RFX7: variants seen among roughly 807,000 people sequenced by gnomAD.
RFX7 encodes DNA-binding protein RFX7.
A neutral mutation model predicts 111.8 loss-of-function variants in RFX7; 26 were observed. The observed-to-expected ratio is 0.23, with a 90% CI of 0.17 to 0.32. The LOEUF (loss-of-function observed/expected upper bound fraction) is 0.32, where lower values mean the gene tolerates loss of function less well. Ranked by LOEUF, RFX7 falls within the 10% of genes least tolerant of loss-of-function variation. The pLI, the probability that RFX7 is intolerant of heterozygous loss-of-function variation, is 1.00. For synonymous variants in RFX7, 624 were observed against 624.4 expected (o/e 1.00, Z 0.01); for missense variants, 1,573 against 1,772.9 (o/e 0.89, Z 2.02).
chr15:56,234,792 T>C (rs965014118), intron 2 of RFX7, among the ~76,000 whole-genome samples: 2 of 152,238 alleles, frequency 1.3e-5, no homozygotes, highest in Admixed American at 6.5e-5. Context: ...GTGATTACTT[T>C]GTTTCAGATA....
In RFX7 at chr15:56,095,889, C is replaced by T. The variant is rs148249850; in HGVS notation, c.1839G>A (p.Thr613=). The change falls in exon 10 of 10, where the codon ACG becomes ACA. Residue 613 remains threonine, a synonymous_variant. Transcript: ENST00000559447. ...KSRCNEMLPG[T]STGNNQSTIT... ...TAGTGCTTTGATTATTGCCTGTTGA[C>T]GTGCCTGGCAGCATTTCATTACAGC... 169 of 1,605,356 alleles carry T rather than the reference C, an allele frequency of 1.1e-4. No individual in the cohort carries two copies. The African/African-American group carries it at 1.2e-3, about 12-fold the overall frequency.
At chr15:56,131,599 G>A (rs2042218984) in intron 5 of RFX7, among the ~76,000 whole-genome samples, 1 of 151,992 alleles carries the variant, frequency 6.6e-6, no homozygotes, top group African/African-American at 2.4e-5. Flanking sequence ...CACATTGACA[G>A]GTCAAATAAG....
At chr15:56,208,203 A>G (rs2043274843) in intron 2 of RFX7, among the ~76,000 whole-genome samples, 2 of 152,230 alleles carry the variant, frequency 1.3e-5, no homozygotes, top group Admixed American at 1.3e-4. Flanking sequence ...TGTTCCTAAT[A>G]ACGCTACCCT....
intron 5 of RFX7, among the ~76,000 whole-genome samples, chr15:56,114,639 A>C (rs1192045564): frequency 6.6e-6 from 1 of 152,046 alleles, no homozygotes; most frequent in African/African-American, 2.4e-5. Context: ...TAACTACACA[A>C]TGAACAATAT....
At chr15:56,165,774 T>G (rs2042774711) in intron 3 of RFX7, among the ~76,000 whole-genome samples, 2 of 152,150 alleles carry the variant, frequency 1.3e-5, no homozygotes, top group African/African-American at 4.8e-5. Context: ...AAAAATGCTT[T>G]CTTAGAACAC....
intron 5 of RFX7, among the ~76,000 whole-genome samples, chr15:56,109,537 T>G (rs1163107483): frequency 6.8e-6 from 1 of 146,878 alleles, no homozygotes; most frequent in Non-Finnish European, 1.5e-5. Flanking sequence ...CCCCTCTGCC[T>G]GGCTGCCCAG....
Position 56,095,897 on chromosome 15 carries a change from G to A in RFX7, c.1831C>T (p.Pro611Ser). Residue 611 changes from proline to serine, a missense_variant, in exon 10 of 10, where the codon CCA becomes TCA. Physicochemically the swap from Pro to Ser is moderately conservative, Grantham distance 74 (BLOSUM62 -1). Around this residue, in one of 7 missense-constraint regions of RFX7, gnomAD observed 625 missense variants for 632.2 expected, o/e 0.99. Transcript: ENST00000559447. ...TGATTATTGCCTGTTGACGTGCCTG[G>A]CAGCATTTCATTACAGCGACTTTTA... ...KCKSRCNEML[P>S]GTSTGNNQST... 1 of 1,605,208 alleles carries A rather than the reference G, an allele frequency of 6.2e-7. No homozygotes were observed. The highest frequency in any genetic ancestry group is 8.5e-7 in the Non-Finnish European group (1 of 1,179,824).
Position 56,093,001 on chromosome 15 carries a change from G to C in RFX7, c.*344C>G, listed in dbSNP as rs1209804455. ...AAACAGCCTATACCTAAAATTGATG[G>C]TTTATTCTGAGTTCTGTGCAGATCA... On this transcript the variant is annotated 3_prime_UTR_variant, in exon 10 of 10. Coordinates refer to ENST00000559447, the MANE Select transcript of RFX7 (RefSeq NM_022841.7). 5.1e-6 allele frequency: 1 copy of C among 194,902 alleles called. No individual in the cohort carries two copies. The highest frequency in any genetic ancestry group is 1.1e-5 in the Non-Finnish European group (1 of 95,006). The allele number at this position is 194,902 out of a possible 1,614,324, so 12.1% of individuals were successfully genotyped here.
intron 2 of RFX7, 77 bp downstream of exon 2, chr15:56,243,048 C>T: frequency 1.6e-6 from 1 of 643,772 alleles, no homozygotes; most frequent in Non-Finnish European, 2.6e-6. Context: ...CCGCTCCCCC[C>T]GCCCGCCGCC....
chr15:56,220,828 T>C (rs866748422), intron 2 of RFX7, among the ~76,000 whole-genome samples: 3 of 152,230 alleles, frequency 2.0e-5, no homozygotes, highest in African/African-American at 7.2e-5. Context: ...ATGGAAGTTT[T>C]TATTCCATCT....
chr15:56,215,666 C>G (rs2043356625), intron 2 of RFX7, among the ~76,000 whole-genome samples: 1 of 152,144 alleles, frequency 6.6e-6, no homozygotes, highest in Non-Finnish European at 1.5e-5. Flanking sequence ...TTCTTATATT[C>G]TATTTGGATA....
intron 5 of RFX7, among the ~76,000 whole-genome samples, chr15:56,122,499 G>T (rs2119937): frequency 0.31 from 47,623 of 152,052 alleles, 8,434 homozygotes; most frequent in East Asian, 0.41. Context: ...GCATAGCACT[G>T]GGTATTGCCC....
At chr15:56,220,840 G>T (rs575276451) in intron 2 of RFX7, among the ~76,000 whole-genome samples, 14 of 152,126 alleles carry the variant, frequency 9.2e-5, no homozygotes, top group Non-Finnish European at 1.9e-4. Flanking sequence ...ATTCCATCTT[G>T]AGTTGATTTT....
intron 5 of RFX7, among the ~76,000 whole-genome samples, chr15:56,138,844 G>C (rs1398848319): frequency 6.6e-6 from 1 of 152,098 alleles, no homozygotes; most frequent in Non-Finnish European, 1.5e-5. Flanking sequence ...TTGCTTGTCT[G>C]TAAAGTATTT....
At chr15:56,135,483 T>G (rs1217992774) in intron 5 of RFX7, among the ~76,000 whole-genome samples, 1 of 152,040 alleles carries the variant, frequency 6.6e-6, no homozygotes, top group Non-Finnish European at 1.5e-5. Flanking sequence ...TCTTGTAAAT[T>G]TGTTTGAGTT....
At position 56,170,134 on chromosome 15, in the gene RFX7, G is replaced by A. The variant is rs371969762; in HGVS notation, c.195+9136C>T. 1.3e-5 allele frequency among the ~76,000 whole-genome samples: 2 copies of A among 152,154 alleles called. 1 individual carries two copies. Reference sequence around the variant, plus strand: ...CATACATTCAACAAATATTGATCACGTTCATGTGCCTCTGGGTATATTCCA... The same window carrying A: ...CATACATTCAACAAATATTGATCACATTCATGTGCCTCTGGGTATATTCCA... On this transcript the variant is annotated intron_variant, in intron 3 of 9. Coordinates refer to ENST00000559447, the MANE Select transcript of RFX7 (RefSeq NM_022841.7).
chr15:56,221,468 T>C (rs560558135), intron 2 of RFX7, among the ~76,000 whole-genome samples: 9 of 152,252 alleles, frequency 5.9e-5, no homozygotes, highest in Middle Eastern at 3.4e-3. Context: ...CTTTAAAGTA[T>C]ATCTCTTGTA....
chr15:56,186,235 GTTCT>G (rs2043036464), intron 2 of RFX7, among the ~76,000 whole-genome samples: 1 of 152,038 alleles, frequency 6.6e-6, no homozygotes, highest in Non-Finnish European at 1.5e-5. Context: ...CTCTCTTCAG[GTTCT>G]ATGCTTTAGT....
intron 2 of RFX7, among the ~76,000 whole-genome samples, chr15:56,230,714 C>T (rs950527317): frequency 3.9e-5 from 6 of 152,198 alleles, no homozygotes; most frequent in African/African-American, 1.4e-4. Flanking sequence ...TCACTACACA[C>T]TATGAAGTCA....
Sources: allele counts gnomAD v4.1 joint callset (sites outside exome capture counted in the v4.1 genomes callset), GRCh38; gene constraint gnomAD v4.1.1; regional missense constraint gnomAD v4.1.1; transcripts MANE v1.5; gene names NCBI Gene and HGNC (gene_info 2026-07-23, HGNC 2026-07-21).